The following ATP10B variants were observed in gnomAD, a reference collection of about 807,000 sequenced individuals.
ATP10B encodes the protein ATPase phospholipid transporting 10B (putative).
A neutral mutation model predicts 141.2 loss-of-function variants in ATP10B; 122 were observed. The ratio of observed to expected loss-of-function variants is 0.86; its 90% CI spans 0.75 to 1.00. ATP10B has a LOEUF of 1.00. ATP10B is among the 50% of genes least tolerant of loss of function. ATP10B has a pLI of 0.00. For synonymous variants in ATP10B, 685 were observed against 692.0 expected (o/e 0.99, Z 0.16); for missense variants, 1,876 against 1,825.3 (o/e 1.03, Z -0.51).
intron 2 of ATP10B, among the ~76,000 whole-genome samples, chr5:160,761,122 C>T (rs915533962): frequency 6.6e-6 from 1 of 152,130 alleles, no homozygotes; most frequent in African/African-American, 2.4e-5. Flanking sequence ...CAGAACAGAA[C>T]CACCCTCCTC....
At chr5:160,589,117 T>C (rs186150010) in intron 24 of ATP10B, among the ~76,000 whole-genome samples, 327 of 152,254 alleles carry the variant, frequency 2.1e-3, no homozygotes, top group Admixed American at 4.7e-3. Flanking sequence ...GTTCAAGCAA[T>C]TTTCCTGCCT....
At chr5:160,813,120 G>T (rs1348245635) in intron 1 of ATP10B, among the ~76,000 whole-genome samples, 1 of 152,234 alleles carries the variant, frequency 6.6e-6, no homozygotes, top group African/African-American at 2.4e-5. Flanking sequence ...TCACTGGGGA[G>T]TGTCAGAAAG....
At chr5:160,697,393 C>A (rs916964229) in intron 3 of ATP10B, among the ~76,000 whole-genome samples, 1 of 152,174 alleles carries the variant, frequency 6.6e-6, no homozygotes, top group African/African-American at 2.4e-5. Flanking sequence ...CCCATTTGCA[C>A]TGTACTCAGC....
intron 2 of ATP10B, among the ~76,000 whole-genome samples, chr5:160,717,663 T>C (rs115795465): frequency 1.0e-3 from 159 of 152,364 alleles, no homozygotes; most frequent in African/African-American, 3.6e-3. Flanking sequence ...AAAACTATTG[T>C]TATTCCCATA....
the ATP10B span, among the ~76,000 whole-genome samples, chr5:160,907,147 G>C: frequency 2.0e-5 from 3 of 152,212 alleles, no homozygotes; most frequent in African/African-American, 4.8e-5. Flanking sequence ...TCCTGCCATG[G>C]AGCCTTAGTT....
chr5:160,858,355 G>C, the ATP10B span, among the ~76,000 whole-genome samples: 24 of 151,776 alleles, frequency 1.6e-4, no homozygotes, highest in East Asian at 4.6e-3. Context: ...TGCTTATATT[G>C]CTGTATTTGA....
At chr5:160,721,161 T>G (rs1176857497) in intron 2 of ATP10B, among the ~76,000 whole-genome samples, 1 of 152,214 alleles carries the variant, frequency 6.6e-6, no homozygotes, top group Non-Finnish European at 1.5e-5. Context: ...GAACAGGATG[T>G]CAGAACACCT....
At chr5:160,866,725 T>A in the ATP10B span, among the ~76,000 whole-genome samples, 1 of 151,972 alleles carries the variant, frequency 6.6e-6, no homozygotes, top group Non-Finnish European at 1.5e-5. Flanking sequence ...TAATAGACTT[T>A]GGGTACTTGT....
At chr5:160,893,635 T>G in the ATP10B span, among the ~76,000 whole-genome samples, 348 of 152,324 alleles carry the variant, frequency 2.3e-3, 1 homozygote, top group African/African-American at 8.0e-3. Flanking sequence ...GACTTAAATA[T>G]TCCTGCCTGC....
chr5:160,916,083 C>T, the ATP10B span, among the ~76,000 whole-genome samples: 2 of 152,142 alleles, frequency 1.3e-5, no homozygotes, highest in Non-Finnish European at 2.9e-5. Flanking sequence ...GAGGTAGGAA[C>T]TTTATAACAA....
intron 1 of ATP10B, among the ~76,000 whole-genome samples, chr5:160,793,325 G>A (rs1205467053): frequency 6.6e-6 from 1 of 151,598 alleles, no homozygotes; most frequent in Non-Finnish European, 1.5e-5. Context: ...ATTTTAATAT[G>A]TTCCAAAGCC....
intron 1 of ATP10B, among the ~76,000 whole-genome samples, chr5:160,799,109 A>T (rs1174560608): frequency 7.4e-6 from 1 of 135,666 alleles, no homozygotes; most frequent in African/African-American, 2.8e-5. Flanking sequence ...GATAGGCTGT[A>T]TCAAAAGCTG....
the ATP10B span, among the ~76,000 whole-genome samples, chr5:160,913,030 T>C: frequency 6.6e-6 from 1 of 152,220 alleles, no homozygotes; most frequent in African/African-American, 2.4e-5. Context: ...CATATAACAG[T>C]CATTCTGAAG....
intron 22 of ATP10B, among the ~76,000 whole-genome samples, chr5:160,592,698 G>T (rs1300588159): frequency 6.6e-6 from 1 of 152,214 alleles, no homozygotes; most frequent in African/African-American, 2.4e-5. Flanking sequence ...GGAAAATCGG[G>T]TCACTCCCAC....
At chr5:160,751,995 A>C (rs540729535) in intron 2 of ATP10B, among the ~76,000 whole-genome samples, 82 of 152,284 alleles carry the variant, frequency 5.4e-4, no homozygotes, top group African/African-American at 1.9e-3. Flanking sequence ...CTAATTGGCT[A>C]TATGTGTAGG....
intron 24 of ATP10B, among the ~76,000 whole-genome samples, chr5:160,575,904 C>A (rs757144297): frequency 1.3e-5 from 2 of 152,190 alleles, no homozygotes; most frequent in African/African-American, 4.8e-5. Context: ...CCCATGGAAT[C>A]TGCACCTCTC....
intron 1 of ATP10B, among the ~76,000 whole-genome samples, chr5:160,786,988 C>A (rs967954769): frequency 2.0e-5 from 3 of 152,036 alleles, no homozygotes; most frequent in Non-Finnish European, 2.9e-5. Context: ...CAAACAAACT[C>A]TCCACCCAGC....
intron 2 of ATP10B, among the ~76,000 whole-genome samples, chr5:160,735,559 A>G (rs1215617886): frequency 1.3e-5 from 2 of 152,148 alleles, no homozygotes; most frequent in Non-Finnish European, 2.9e-5. Flanking sequence ...GGAGACTTCA[A>G]TACTTCACTT....
In ATP10B at chr5:160,652,266, G is replaced by A. The variant is rs372457332; in HGVS notation, c.676-3010C>T. On this transcript the variant is annotated intron_variant, in intron 7 of 25. Coordinates refer to ENST00000327245, the MANE Select transcript of ATP10B (RefSeq NM_025153.3). ...TCCCCTGGGCTCTCTTCTTCAGTTG[G>A]AGGAAGAGGGGCTGTGGAGAGGGGC... Among the ~76,000 whole-genome samples, 24 of 152,006 alleles carry A rather than the reference G, an allele frequency of 1.6e-4. 1 individual carries two copies. Among genetic ancestry groups the A allele is most frequent in the East Asian group, 1.4e-3 (7 of 5,170 alleles).
Sources: allele counts gnomAD v4.1 joint callset (sites outside exome capture counted in the v4.1 genomes callset), GRCh38; gene constraint gnomAD v4.1.1; transcripts MANE v1.5; gene names NCBI Gene and HGNC (gene_info 2026-07-23, HGNC 2026-07-21).